The following QTMAN variants were observed in gnomAD, a reference collection of about 807,000 sequenced individuals.
QTMAN encodes the protein tRNA-queuosine alpha-mannosyltransferase.
At chr2:144,188,970 G>A in the QTMAN span, among the ~76,000 whole-genome samples, 9 of 151,910 alleles carry the variant, frequency 5.9e-5, no homozygotes, top group South Asian at 2.1e-4. Context: ...GGAAATAGCC[G>A]GCAAGTAAAA....
At chr2:143,996,910 G>T in the QTMAN span, among the ~76,000 whole-genome samples, 1 of 152,094 alleles carries the variant, frequency 6.6e-6, no homozygotes, top group African/African-American at 2.4e-5. Context: ...AATTTTACAT[G>T]ATTAGGAATA....
the QTMAN span, among the ~76,000 whole-genome samples, chr2:144,107,302 A>G: frequency 6.6e-6 from 1 of 152,244 alleles, no homozygotes; most frequent in Non-Finnish European, 1.5e-5. Flanking sequence ...CCTTCAAAAA[A>G]TCAATGAATG....
At chr2:144,328,178 T>G in the QTMAN span, among the ~76,000 whole-genome samples, 1 of 152,164 alleles carries the variant, frequency 6.6e-6, no homozygotes, top group Non-Finnish European at 1.5e-5. Context: ...CTCGAACTCC[T>G]TACCTCAGGT....
chr2:143,980,951 C>G, the QTMAN span, among the ~76,000 whole-genome samples: 1 of 152,102 alleles, frequency 6.6e-6, no homozygotes, highest in African/African-American at 2.4e-5. Flanking sequence ...GTTTGCAACC[C>G]CATGCTCCTT....
the QTMAN span, among the ~76,000 whole-genome samples, chr2:144,176,432 G>C: frequency 3.3e-5 from 5 of 152,008 alleles, no homozygotes; most frequent in East Asian, 9.7e-4. Flanking sequence ...ATTAAAGTCA[G>C]CTACAAGACA....
the QTMAN span, among the ~76,000 whole-genome samples, chr2:143,961,051 A>C: frequency 2.6e-5 from 4 of 152,134 alleles, no homozygotes. Context: ...ATGGCTAATC[A>C]ATGGCAGAGC....
chr2:144,048,819 T>TACACACAC, the QTMAN span, among the ~76,000 whole-genome samples: 11 of 148,242 alleles, frequency 7.4e-5, no homozygotes, highest in Non-Finnish European at 1.7e-4. Context: ...CACACATGCA[T>TACACACAC]ACACACACAC....
chr2:144,099,679 A>G, the QTMAN span, among the ~76,000 whole-genome samples: 1 of 152,134 alleles, frequency 6.6e-6, no homozygotes, highest in Admixed American at 6.5e-5. Flanking sequence ...AGCCCTTTCC[A>G]CATCAAAACT....
chr2:144,104,963 C>T, the QTMAN span, among the ~76,000 whole-genome samples: 2 of 152,216 alleles, frequency 1.3e-5, no homozygotes, highest in Admixed American at 1.3e-4. Context: ...ATTCGCTGCT[C>T]TGCAGCCTCC....
chr2:143,988,464 T>C, the QTMAN span, among the ~76,000 whole-genome samples: 1 of 152,198 alleles, frequency 6.6e-6, no homozygotes, highest in Admixed American at 6.5e-5. Context: ...AGAACTTAAG[T>C]TGAGTTAAAG....
At chr2:144,319,474 G>T in the QTMAN span, among the ~76,000 whole-genome samples, 1 of 151,932 alleles carries the variant, frequency 6.6e-6, no homozygotes, top group Admixed American at 6.6e-5. Flanking sequence ...TTACATTATG[G>T]AATGATAATA....
the QTMAN span, among the ~76,000 whole-genome samples, chr2:144,232,940 T>C: frequency 6.6e-6 from 1 of 152,156 alleles, no homozygotes; most frequent in Non-Finnish European, 1.5e-5. Context: ...CACTTCTGTG[T>C]TTTACCTTGC....
the QTMAN span, among the ~76,000 whole-genome samples, chr2:144,327,145 T>G: frequency 6.6e-6 from 1 of 152,148 alleles, no homozygotes; most frequent in Non-Finnish European, 1.5e-5. Context: ...CCAAAAGAAC[T>G]GAGTTCAGAG....
At chr2:143,967,079 T>A in the QTMAN span, among the ~76,000 whole-genome samples, 2 of 152,246 alleles carry the variant, frequency 1.3e-5, no homozygotes, top group Non-Finnish European at 2.9e-5. Flanking sequence ...GGCAATGTAA[T>A]CAAAGTGACT....
chr2:144,214,026 C>T, the QTMAN span, among the ~76,000 whole-genome samples: 1 of 152,140 alleles, frequency 6.6e-6, no homozygotes, highest in Non-Finnish European at 1.5e-5. Context: ...TTTAATGATT[C>T]ATCACGGAAA....
chr2:143,985,270 G>A, the QTMAN span, among the ~76,000 whole-genome samples: 4 of 152,182 alleles, frequency 2.6e-5, no homozygotes, highest in East Asian at 5.8e-4. Flanking sequence ...TGAGCACAGC[G>A]GCTGAGTAAA....
the QTMAN span, chr2:144,319,695 C>T: frequency 1.8e-4 from 27 of 152,268 alleles, no homozygotes; most frequent in African/African-American, 6.0e-4. Flanking sequence ...ACCAGTGCAT[C>T]ACTGGACCCA....
the QTMAN span, among the ~76,000 whole-genome samples, chr2:143,975,923 A>G: frequency 1.3e-5 from 2 of 152,204 alleles, no homozygotes; most frequent in Non-Finnish European, 2.9e-5. Flanking sequence ...ATCCTAACAC[A>G]TTATCTGTGG....
chr2:143,967,333 A>T, the QTMAN span, among the ~76,000 whole-genome samples: 2 of 144,616 alleles, frequency 1.4e-5, no homozygotes, highest in African/African-American at 5.0e-5. Flanking sequence ...ATAGTATATA[A>T]TTTTTTTTTT....
Sources: allele counts gnomAD v4.1 joint callset (sites outside exome capture counted in the v4.1 genomes callset), GRCh38; gene constraint gnomAD v4.1.1; transcripts MANE v1.5; gene names NCBI Gene and HGNC (gene_info 2026-07-23, HGNC 2026-07-21).